PPM1H: variants seen among roughly 807,000 people sequenced by gnomAD.
PPM1H encodes the protein protein phosphatase, Mg2+/Mn2+ dependent 1H.
A neutral mutation model predicts 54.9 loss-of-function variants in PPM1H; 27 were observed. That is an observed-to-expected ratio of 0.49 (90% CI 0.36 to 0.68). The LOEUF (loss-of-function observed/expected upper bound fraction) is 0.68, where lower values mean the gene tolerates loss of function less well. Ranked by LOEUF, PPM1H falls within the 30% of genes least tolerant of loss-of-function variation. The pLI, the probability that PPM1H is intolerant of heterozygous loss-of-function variation, is 0.00. For missense variants in PPM1H, 596 were observed against 667.8 expected (o/e 0.89, Z 1.19); for synonymous variants, 305 against 270.8 (o/e 1.13, Z -1.24).
chr12:62,912,066 T>C, intron 1 of PPM1H, among the ~76,000 whole-genome samples: 1 of 152,012 alleles, frequency 6.6e-6, no homozygotes, highest in Non-Finnish European at 1.5e-5. Context: ...CCCTTTCAAT[T>C]AAAAAAGAAA....
At chr12:62,790,054 T>C (rs1180660639) in intron 3 of PPM1H, among the ~76,000 whole-genome samples, 2 of 152,222 alleles carry the variant, frequency 1.3e-5, no homozygotes, top group Non-Finnish European at 2.9e-5. Flanking sequence ...ATGCTGTTGT[T>C]GGCAGATCTA....
chr12:62,882,951 G>T (rs371248537), intron 1 of PPM1H, among the ~76,000 whole-genome samples: 1 of 152,024 alleles, frequency 6.6e-6, no homozygotes, highest in African/African-American at 2.4e-5. Context: ...TTTAGCAAAG[G>T]CCTATTCAAC....
intron 1 of PPM1H, among the ~76,000 whole-genome samples, chr12:62,869,726 AC>A (rs1869912740): frequency 6.6e-6 from 1 of 152,010 alleles, no homozygotes; most frequent in African/African-American, 2.4e-5. Context: ...CTGGCCTGAA[AC>A]CGTGTATGAG....
chr12:62,653,829 G>A (rs2075828597), intron 9 of PPM1H, among the ~76,000 whole-genome samples: 1 of 152,126 alleles, frequency 6.6e-6, no homozygotes, highest in African/African-American at 2.4e-5. Flanking sequence ...CATGATCAGG[G>A]CAGGGGAGGG....
intron 1 of PPM1H, among the ~76,000 whole-genome samples, chr12:62,869,710 C>T (rs1260441426): frequency 1.3e-5 from 2 of 152,160 alleles, no homozygotes; most frequent in African/African-American, 4.8e-5. Flanking sequence ...TTCAAAGTTC[C>T]GTAACCTGGC....
intron 4 of PPM1H, among the ~76,000 whole-genome samples, chr12:62,781,424 A>G (rs1211031319): frequency 6.6e-6 from 1 of 152,218 alleles, no homozygotes; most frequent in East Asian, 1.9e-4. Context: ...CTGCTGCAGG[A>G]CTGCTGAGAC....
At chr12:62,701,071 A>T (rs1031313093) in intron 6 of PPM1H, among the ~76,000 whole-genome samples, 2 of 152,256 alleles carry the variant, frequency 1.3e-5, no homozygotes, top group African/African-American at 2.4e-5. Context: ...TATACCTACA[A>T]GAGTGCTCAA....
At chr12:62,899,570 CAT>C (rs1871095773) in intron 1 of PPM1H, among the ~76,000 whole-genome samples, 1 of 152,206 alleles carries the variant, frequency 6.6e-6, no homozygotes, top group Non-Finnish European at 1.5e-5. Flanking sequence ...TATCTATGTG[CAT>C]AGTTATTAAA....
intron 6 of PPM1H, among the ~76,000 whole-genome samples, chr12:62,702,703 G>C (rs778036342): frequency 6.6e-6 from 1 of 152,140 alleles, no homozygotes; most frequent in Non-Finnish European, 1.5e-5. Context: ...TGCTCCCTTC[G>C]GGGACAGCAT....
intron 1 of PPM1H, among the ~76,000 whole-genome samples, chr12:62,910,081 G>GGT (rs1475018187): frequency 6.6e-6 from 1 of 152,128 alleles, no homozygotes; most frequent in East Asian, 1.9e-4. Context: ...CAGGTAGAGT[G>GGT]GTGGGGAGGC....
At chr12:62,837,867 C>T (rs2120878085) in intron 1 of PPM1H, among the ~76,000 whole-genome samples, 1 of 152,336 alleles carries the variant, frequency 6.6e-6, no homozygotes, top group South Asian at 2.1e-4. Flanking sequence ...CATCAGCATC[C>T]CTCTGCCTCC....
rs540593085 is a variant in PPM1H at position 62,723,694 on chromosome 12, C to A, written c.955-3405G>T. On this transcript the variant is annotated intron_variant, in intron 5 of 9. Transcript: ENST00000228705. ...TAAATTTTGTTCTTTATAAATTACT[C>A]AGTTTGTAGTATTGTTATAGCAGCA... Among the ~76,000 whole-genome samples the A allele has an allele frequency of 3.3e-5, 5 of 152,286 alleles. No homozygotes were observed. The South Asian group carries it at 1.0e-3, about 32-fold the overall frequency.
At position 62,748,635 on chromosome 12, in the gene PPM1H, G is replaced by C. The variant is rs1046102317; in HGVS notation, c.870-11049C>G. Among the ~76,000 whole-genome samples, 15 of 152,028 alleles carry C rather than the reference G, an allele frequency of 9.9e-5. 1 individual carries two copies. The highest frequency in any genetic ancestry group is 2.1e-4 in the Non-Finnish European group (14 of 68,016). The stretch of plus-strand genomic sequence containing the variant: ...TAGGTTCTGACAGTTAACCTGAAAG[G>C]CTATACTGTGACAGCCAAAGCATGA... On this transcript the variant is annotated intron_variant, in intron 4 of 9. Coordinates refer to ENST00000228705, the MANE Select transcript of PPM1H (RefSeq NM_020700.2).
At chr12:62,746,584 A>C (rs143485344) in intron 4 of PPM1H, among the ~76,000 whole-genome samples, 22 of 152,286 alleles carry the variant, frequency 1.4e-4, no homozygotes, top group Non-Finnish European at 1.9e-4. Flanking sequence ...CACTACTAGG[A>C]GTAAATGGAC....
At chr12:62,850,102 C>G (rs893460778) in intron 1 of PPM1H, among the ~76,000 whole-genome samples, 1 of 152,010 alleles carries the variant, frequency 6.6e-6, no homozygotes, top group Non-Finnish European at 1.5e-5. Flanking sequence ...GCTGGAACTA[C>G]TGACGTGAGC....
At chr12:62,788,831 T>C (rs11174651) in intron 3 of PPM1H, among the ~76,000 whole-genome samples, 9,584 of 150,418 alleles carry the variant, frequency 0.064, 423 homozygotes, top group Middle Eastern at 0.12. Context: ...GCTCAAGCAA[T>C]CCTCCCACCT....
At chr12:62,761,845 C>T (rs2076511214) in intron 4 of PPM1H, among the ~76,000 whole-genome samples, 1 of 152,172 alleles carries the variant, frequency 6.6e-6, no homozygotes, top group Non-Finnish European at 1.5e-5. Context: ...TGGGGAATGA[C>T]ACAGCAAGGA....
At chr12:62,678,912 C>T (rs1481346978) in intron 8 of PPM1H, among the ~76,000 whole-genome samples, 1 of 152,004 alleles carries the variant, frequency 6.6e-6, no homozygotes, top group African/African-American at 2.4e-5. Context: ...GTCTTGAACT[C>T]CTGGCCTCAA....
Position 62,839,662 on chromosome 12 carries a change from CAAA to C in PPM1H, c.246-7386_246-7384del, listed in dbSNP as rs34178089. ...ATCTCTGTGACTTTATGAGTAAATC[CAAA>C]AAAAAAAAAAAAGTCAAGATGGCAA... On this transcript the variant is annotated intron_variant, in intron 1 of 9. Transcript: ENST00000228705. Among the ~76,000 whole-genome samples, 261 of 131,282 alleles carry C rather than the reference CAAA, an allele frequency of 2.0e-3. 2 individuals carry two copies. Among genetic ancestry groups the C allele is most frequent in the African/African-American group, 6.5e-3 (247 of 38,276 alleles). 86.1% of individuals were successfully genotyped at this position (131,282 alleles called of 152,430 possible).
Sources: allele counts gnomAD v4.1 joint callset (sites outside exome capture counted in the v4.1 genomes callset), GRCh38; gene constraint gnomAD v4.1.1; transcripts MANE v1.5; gene names NCBI Gene and HGNC (gene_info 2026-07-23, HGNC 2026-07-21).